Variants in WWOX observed in about 807,000 individuals in gnomAD.
WWOX encodes WW domain containing oxidoreductase.
A neutral mutation model predicts 46.2 loss-of-function variants in WWOX; 69 were observed. The observed-to-expected ratio is 1.49, with a 90% CI of 1.23 to 1.82. The LOEUF is 1.82. WWOX is among the 40% of genes most tolerant of loss of function. The pLI is 0.00. For synonymous variants in WWOX, 359 were observed against 202.6 expected (o/e 1.77, Z -6.56); for missense variants, 919 against 542.6 (o/e 1.69, Z -6.89).
intron 8 of WWOX, among the ~76,000 whole-genome samples, chr16:78,804,271 G>A (rs763249287): frequency 6.6e-6 from 1 of 152,140 alleles, no homozygotes; most frequent in Non-Finnish European, 1.5e-5. Flanking sequence ...GACACTGCCT[G>A]AGCCGGCTGG....
chr16:78,103,802 G>T (rs2031956325), intron 1 of WWOX, among the ~76,000 whole-genome samples: 1 of 152,056 alleles, frequency 6.6e-6, no homozygotes, highest in South Asian at 2.1e-4. Context: ...AGGGATAGAG[G>T]CTGTAGCTCC....
chr16:78,939,747 C>T lies in WWOX; in HGVS notation c.1057-271861C>T, dbSNP rs766209140. The stretch of plus-strand genomic sequence containing the variant: ...GGAAAAATCCCCATTTCTGGGTAAC[C>T]CAGCCCCTTTTAATGACAACTTCAG... On this transcript the variant is annotated intron_variant, in intron 8 of 8. Coordinates refer to ENST00000566780, the MANE Select transcript of WWOX (RefSeq NM_016373.4). 4.6e-5 allele frequency among the ~76,000 whole-genome samples: 7 copies of T among 152,232 alleles called. No homozygotes were observed. The East Asian group carries it at 1.2e-3, about 25-fold the overall frequency.
chr16:78,953,944 G>A lies in WWOX; in HGVS notation c.1057-257664G>A, dbSNP rs115909705. Among the ~76,000 whole-genome samples the A allele has an allele frequency of 7.6e-3, 1,158 of 152,262 alleles. 15 individuals are homozygous for A. The highest frequency in any genetic ancestry group is 0.026 in the African/African-American group (1,099 of 41,544). ...TTACTTCAGTAGTCATTTACAAAATGCTGCTGAATCCAAGTCCCTGTGCAA... is the reference window on the plus strand; with the variant it reads ...TTACTTCAGTAGTCATTTACAAAATACTGCTGAATCCAAGTCCCTGTGCAA... On this transcript the variant is annotated intron_variant, in intron 8 of 8. Transcript: ENST00000566780.
At chr16:78,932,895 T>C (rs1289662848) in intron 8 of WWOX, among the ~76,000 whole-genome samples, 1 of 152,196 alleles carries the variant, frequency 6.6e-6, no homozygotes, top group Non-Finnish European at 1.5e-5. Context: ...TTAAGTTCCA[T>C]AAAGTCACTT....
intron 8 of WWOX, among the ~76,000 whole-genome samples, chr16:79,160,865 T>C (rs1438749510): frequency 7.0e-6 from 1 of 142,046 alleles, no homozygotes; most frequent in Non-Finnish European, 1.5e-5. Context: ...CACGCACACA[T>C]ACATAAATTG....
At chr16:79,034,499 A>G (rs867971329) in intron 8 of WWOX, among the ~76,000 whole-genome samples, 2 of 152,150 alleles carry the variant, frequency 1.3e-5, no homozygotes, top group Admixed American at 1.3e-4. Flanking sequence ...AAGACATGCT[A>G]CTGTCTTTAG....
rs1459793578 is a variant in WWOX at position 78,710,710 on chromosome 16, G to A, written c.1056+277958G>A. Among the ~76,000 whole-genome samples the A allele has an allele frequency of 4.0e-5, 6 of 151,082 alleles. No homozygotes were observed. The South Asian group carries it at 1.0e-3, about 26-fold the overall frequency. On this transcript the variant is annotated intron_variant, in intron 8 of 8. Transcript: ENST00000566780. ...GCTCACTGTAGCCTCAACCTCCTGG[G>A]CTCAACTGATTCTCTCATCTTAGCC...
chr16:79,180,915 C>T (rs749745340), intron 8 of WWOX, among the ~76,000 whole-genome samples: 7 of 152,206 alleles, frequency 4.6e-5, no homozygotes, highest in Non-Finnish European at 8.8e-5. Flanking sequence ...CATACAAGGA[C>T]ATTTGTGTCT....
At chr16:78,261,699 C>G (rs922860135) in intron 5 of WWOX, among the ~76,000 whole-genome samples, 1 of 148,784 alleles carries the variant, frequency 6.7e-6, no homozygotes, top group Non-Finnish European at 1.5e-5. Flanking sequence ...TGCAATATCA[C>G]AATTTCTAAA....
intron 7 of WWOX, among the ~76,000 whole-genome samples, chr16:78,427,947 A>G (rs2083125506): frequency 6.6e-6 from 1 of 152,016 alleles, no homozygotes; most frequent in Non-Finnish European, 1.5e-5. Flanking sequence ...GCACGCCTGT[A>G]ATCCCAGCTA....
At chr16:78,324,290 C>A (rs1408716779) in intron 5 of WWOX, among the ~76,000 whole-genome samples, 5 of 152,106 alleles carry the variant, frequency 3.3e-5, no homozygotes, top group South Asian at 2.1e-4. Flanking sequence ...AGTCAGACAG[C>A]AGCAGGTGTT....
intron 8 of WWOX, among the ~76,000 whole-genome samples, chr16:79,066,974 T>C (rs963438535): frequency 5.9e-5 from 9 of 152,136 alleles, no homozygotes; most frequent in Non-Finnish European, 1.3e-4. Context: ...GGCAGAGATA[T>C]GAACTATCTC....
intron 5 of WWOX, among the ~76,000 whole-genome samples, chr16:78,276,126 A>G (rs749951535): frequency 1.3e-5 from 2 of 152,220 alleles, no homozygotes; most frequent in East Asian, 3.9e-4. Flanking sequence ...AGCCGTTTTC[A>G]TACACCTTAA....
At chr16:78,385,204 G>C (rs994752349) in intron 5 of WWOX, among the ~76,000 whole-genome samples, 6 of 148,384 alleles carry the variant, frequency 4.0e-5, no homozygotes, top group African/African-American at 1.6e-4. Flanking sequence ...GGATTCTTTA[G>C]GATCCTTCCC....
intron 8 of WWOX, among the ~76,000 whole-genome samples, chr16:78,544,555 T>G (rs55964128): frequency 0.038 from 5,862 of 152,270 alleles, 153 homozygotes; most frequent in Non-Finnish European, 0.05. Context: ...ATTTTTTAAC[T>G]CATTGCAATG....
intron 8 of WWOX, among the ~76,000 whole-genome samples, chr16:79,042,939 C>T (rs1043897925): frequency 1.3e-5 from 2 of 152,138 alleles, no homozygotes; most frequent in Non-Finnish European, 2.9e-5. Flanking sequence ...GAGCAAATGC[C>T]TATGGATGCC....
chr16:78,645,881 C>T (rs531794211), intron 8 of WWOX, among the ~76,000 whole-genome samples: 16 of 152,200 alleles, frequency 1.1e-4, no homozygotes, highest in Admixed American at 6.5e-4. Flanking sequence ...CTGACTTTTT[C>T]GATTTCTGGA....
intron 8 of WWOX, among the ~76,000 whole-genome samples, chr16:78,624,241 T>A (rs193036334): frequency 6.6e-6 from 1 of 151,694 alleles, no homozygotes; most frequent in Non-Finnish European, 1.5e-5. Flanking sequence ...CATGTTCCCT[T>A]CGGAAAACTC....
At chr16:78,575,022 A>ATAT (rs2044824547) in intron 8 of WWOX, among the ~76,000 whole-genome samples, 14 of 14,000 alleles carry the variant, frequency 1.0e-3, no homozygotes, top group Non-Finnish European at 1.9e-3. Flanking sequence ...TATATATATA[A>ATAT]ATATATATAT....
Sources: gnomAD v4.1 joint callset for allele counts (sites outside exome capture counted in the v4.1 genomes callset) on GRCh38, gnomAD v4.1.1 for gene constraint, MANE v1.5 for transcripts, NCBI Gene and HGNC (gene_info 2026-07-23, HGNC 2026-07-21) for gene names.